The following ZGRF1 variants were observed in gnomAD, a reference collection of about 807,000 sequenced individuals.
ZGRF1 encodes zinc finger GRF-type containing 1.
A neutral mutation model predicts 203.5 loss-of-function variants in ZGRF1; 196 were observed. The observed-to-expected ratio is 0.96, with a 90% CI of 0.86 to 1.08. ZGRF1 has a LOEUF of 1.08. Ranked by LOEUF, ZGRF1 falls within the 50% of genes least tolerant of loss-of-function variation. The probability of loss-of-function intolerance (pLI) is 0.00; values close to 1 mark genes in which losing one functional copy is unlikely to be tolerated. For synonymous variants in ZGRF1, 809 were observed against 841.3 expected, an observed-to-expected ratio of 0.96 and a Z score of 0.66; for missense variants, 2,326 against 2,416.3, an observed-to-expected ratio of 0.96 and a Z score of 0.78.
At chr4:112,575,604 T>G (rs1745039600) in intron 16 of ZGRF1, among the ~76,000 whole-genome samples, 1 of 152,200 alleles carries the variant, frequency 6.6e-6, no homozygotes, top group Admixed American at 6.5e-5. Flanking sequence ...CCAACAGTCT[T>G]AGCAAACAGC....
chr4:112,627,158 A>C (rs2149197457), intron 3 of ZGRF1, among the ~76,000 whole-genome samples: 1 of 152,298 alleles, frequency 6.6e-6, no homozygotes, highest in South Asian at 2.1e-4. Context: ...GATTGTTCCC[A>C]TTCACTTATT....
At chr4:112,546,730 T>A (rs1338918206) in intron 24 of ZGRF1, 1 of 152,200 alleles carries the variant, frequency 6.6e-6, no homozygotes, top group Non-Finnish European at 1.5e-5. Flanking sequence ...GGCTTACTCA[T>A]AAAAGGATGA....
At chr4:112,565,127 T>A (rs1341378629) in intron 16 of ZGRF1, 1 of 1,408,588 alleles carries the variant, frequency 7.1e-7, no homozygotes, top group Non-Finnish European at 1.0e-6. Context: ...CCTGGTACTG[T>A]GGCGCTCCGT....
intron 7 of ZGRF1, among the ~76,000 whole-genome samples, chr4:112,611,966 T>G (rs2046694842): frequency 1.3e-5 from 2 of 151,698 alleles, no homozygotes; most frequent in Admixed American, 6.6e-5. Context: ...AACTGTGGGG[T>G]TTTGTTTTTT....
chr4:112,567,771 A>C (rs1743404954), intron 16 of ZGRF1, among the ~76,000 whole-genome samples: 1 of 152,080 alleles, frequency 6.6e-6, no homozygotes, highest in Admixed American at 6.6e-5. Context: ...ACAAAAAATA[A>C]AAACATTAGC....
intron 16 of ZGRF1, among the ~76,000 whole-genome samples, chr4:112,566,340 T>G (rs1233454096): frequency 4.1e-5 from 3 of 73,922 alleles, no homozygotes; most frequent in African/African-American, 1.7e-4. Flanking sequence ...GGGACTGTTG[T>G]GGGGTGGGGG....
chr4:112,584,810 G>A (rs1746889234), intron 14 of ZGRF1, among the ~76,000 whole-genome samples: 1 of 152,152 alleles, frequency 6.6e-6, no homozygotes. Flanking sequence ...GAAGCAAACT[G>A]TATTATGAAT....
chr4:112,607,465 A>G (rs527274919), intron 8 of ZGRF1, among the ~76,000 whole-genome samples: 3 of 152,346 alleles, frequency 2.0e-5, no homozygotes, highest in Middle Eastern at 3.4e-3. Context: ...ACAGTTTTCA[A>G]AATTAATTCG....
At chr4:112,623,943 G>A (rs1228245007) in intron 3 of ZGRF1, 67 bp from the exon 4 acceptor site, 7 of 780,146 alleles carry the variant, frequency 9.0e-6, no homozygotes, top group Non-Finnish European at 1.5e-5. Context: ...ACTTCTTCAA[G>A]AGGAAATAAG....
Position 112,579,968 on chromosome 4 carries a change from G to A in ZGRF1, c.4438+1695C>T, listed in dbSNP as rs1376651630. Reference sequence around the variant, plus strand: ...AAAAAAGAGCCCACATTGCTAAGTCGATCCTAAGCCAAAAGAACAAAGCTG... The same window carrying A: ...AAAAAAGAGCCCACATTGCTAAGTCAATCCTAAGCCAAAAGAACAAAGCTG... On this transcript the variant is annotated intron_variant, in intron 16 of 27. Coordinates refer to ENST00000505019, the MANE Select transcript of ZGRF1 (RefSeq NM_018392.5). Among the ~76,000 whole-genome samples, 6 of 122,508 alleles carry A rather than the reference G, an allele frequency of 4.9e-5. 1 individual carries two copies. The highest frequency in any genetic ancestry group is 5.6e-5 in the African/African-American group (2 of 35,412). 80.4% of individuals were successfully genotyped at this position (122,508 alleles called of 152,430 possible).
At position 112,587,751 on chromosome 4, in the gene ZGRF1, C is replaced by A. The variant is rs1187817649; in HGVS notation, c.3306G>T (p.Leu1102Phe). The A allele has an allele frequency of 1.9e-6, 3 of 1,558,784 alleles. No homozygotes were observed. Among genetic ancestry groups the A allele is most frequent in the Non-Finnish European group, 2.6e-6 (3 of 1,150,632 alleles). The change falls in exon 12 of 28, where the codon TTG becomes TTT. Residue 1102 changes from leucine (L) to phenylalanine (F), a missense_variant. Coordinates refer to ENST00000505019, the MANE Select transcript of ZGRF1 (RefSeq NM_018392.5). ...YESSGSPMLN[L>F]CEKSAVLSFS... ...ACGAAAGAACTGCTGACTTTTCACA[C>A]AAATTGAGCATGGGGGAGCCAGAAG...
chr4:112,562,399 GAGT>G lies in ZGRF1; in HGVS notation c.4666_4668del (p.Thr1556del). 1 of 1,607,108 alleles carries G rather than the reference GAGT, an allele frequency of 6.2e-7. No homozygotes were observed. The highest frequency in any genetic ancestry group is 8.5e-7 in the Non-Finnish European group (1 of 1,175,580). ...GTTAACAGGTACTGTGTTAGAGGTAGAGTAGCTGGATTAAAGTAGTCCTGAATG... is the reference window on the plus strand; with the variant it reads ...GTTAACAGGTACTGTGTTAGAGGTAGAGCTGGATTAAAGTAGTCCTGAATG... On this transcript the variant is annotated inframe_deletion, in exon 18 of 28. Transcript: ENST00000505019.
chr4:112,585,526 G>T lies in ZGRF1; in HGVS notation c.4101+15C>A. ...CAAGTATTTGGTATGGTAGGGGGAG[G>T]GGAAGCAAGAATACCTTATTTGGAC... On this transcript the variant is annotated intron_variant, in intron 14 of 27. Coordinates refer to ENST00000505019, the MANE Select transcript of ZGRF1 (RefSeq NM_018392.5). The T allele has an allele frequency of 1.3e-6, 2 of 1,598,330 alleles. No homozygotes were observed. The highest frequency in any genetic ancestry group is 8.5e-7 in the Non-Finnish European group (1 of 1,172,602).
chr4:112,593,714 G>A (rs1748539667), intron 10 of ZGRF1, among the ~76,000 whole-genome samples: 1 of 152,146 alleles, frequency 6.6e-6, no homozygotes, highest in Admixed American at 6.5e-5. Flanking sequence ...TGCATGGTAT[G>A]TTCAGTCCCT....
intron 10 of ZGRF1, among the ~76,000 whole-genome samples, chr4:112,597,212 TAAAAAAAA>T (rs1273783172): frequency 9.5e-6 from 1 of 105,356 alleles, no homozygotes; most frequent in Non-Finnish European, 1.9e-5. Flanking sequence ...AAACTCCATC[TAAAAAAAA>T]AAAAAAAAAA....
chr4:112,594,357 T>C, intron 10 of ZGRF1, among the ~76,000 whole-genome samples: 1 of 152,184 alleles, frequency 6.6e-6, no homozygotes, highest in Non-Finnish European at 1.5e-5. Flanking sequence ...TTCTAACAAA[T>C]ATCATTTGTT....
chr4:112,618,246 G>A lies in ZGRF1; in HGVS notation c.1796C>T (p.Pro599Leu). 5.6e-6 allele frequency: 9 copies of A among 1,613,802 alleles called. No homozygotes were observed. Among genetic ancestry groups the A allele is most frequent in the Non-Finnish European group, 7.6e-6 (9 of 1,179,864 alleles). ...LPFLTSVSDKPTVTFPVKETL... is the reference protein window; with the variant it reads ...LPFLTSVSDKLTVTFPVKETL... ...CTCTTTAACAGGAAATGTCACTGTA[G>A]GTTTGTCACTAACAGATGTTAAGAA... The change falls in exon 6 of 28, where the codon CCT (proline) becomes CTT (leucine). Residue 599 changes from proline to leucine, a missense_variant. Transcript: ENST00000505019.
intron 10 of ZGRF1, among the ~76,000 whole-genome samples, chr4:112,598,524 G>A (rs1009387652): frequency 6.6e-6 from 1 of 151,886 alleles, no homozygotes; most frequent in Non-Finnish European, 1.5e-5. Context: ...AGAATATAAA[G>A]GAGGGATTCA....
In ZGRF1 at chr4:112,562,472, C is replaced by T. The variant is rs758772138; in HGVS notation, c.4596G>A (p.Ala1532=). 1.4e-5 allele frequency: 22 copies of T among 1,600,046 alleles called. No homozygotes were observed. In the East Asian group the frequency reaches 2.2e-4, roughly 16 times the overall value. ...SNWPTNMVVH[A]LLVCNASTEL... ...CTGTGCTAGCATTACAAACCAATAA[C>T]GCATGGACAACCACTGTACAGAGGA... Residue 1532 remains alanine (A), a synonymous_variant, in exon 18 of 28, where the codon GCG becomes GCA. Coordinates refer to ENST00000505019, the MANE Select transcript of ZGRF1 (RefSeq NM_018392.5).
Sources: allele counts gnomAD v4.1 joint callset (sites outside exome capture counted in the v4.1 genomes callset), GRCh38; gene constraint gnomAD v4.1.1; transcripts MANE v1.5; gene names NCBI Gene and HGNC (gene_info 2026-07-23, HGNC 2026-07-21).